Variants in FAM186A observed in about 807,000 individuals in gnomAD.
FAM186A encodes protein FAM186A.
Under a neutral mutation model 216.8 loss-of-function variants are expected in FAM186A, and 163 were observed. The observed-to-expected ratio is 0.75, with a 90% CI of 0.66 to 0.86. FAM186A has a LOEUF of 0.86. FAM186A is among the 40% of genes least tolerant of loss of function. The pLI, the probability that FAM186A is intolerant of heterozygous loss-of-function variation, is 0.00. For synonymous variants in FAM186A, 805 were observed against 1,025.3 expected, an observed-to-expected ratio of 0.79 and a Z score of 4.10; for missense variants, 2,184 against 2,746.2, an observed-to-expected ratio of 0.80 and a Z score of 4.58.
intron 1 of FAM186A, chr12:50,366,140 A>T (rs4768854): frequency 1.8e-6 from 1 of 569,386 alleles, no homozygotes; most frequent in Non-Finnish European, 3.1e-6. Context: ...AAAAAAAAGA[A>T]TAAGATTTGG....
intron 1 of FAM186A, among the ~76,000 whole-genome samples, chr12:50,395,091 T>TTTTG (rs556607099): frequency 9.2e-5 from 14 of 151,778 alleles, no homozygotes; most frequent in African/African-American, 3.1e-4. Flanking sequence ...CATGACTGAT[T>TTTTG]TTTGTTTGTT....
In FAM186A at chr12:50,350,454, A is replaced by G; in HGVS notation, c.6378T>C (p.Cys2126=). Residue 2126 remains cysteine, a synonymous_variant, in exon 4 of 8, where the codon TGT becomes TGC. Coordinates refer to ENST00000327337, the MANE Select transcript of FAM186A (RefSeq NM_001145475.3). Reference sequence around the variant, plus strand: ...TTGTGTGTAGCTGTGAAGGGAGTCCACAAGTTTTTATAGCCTGATTTAATA... The same window carrying G: ...TTGTGTGTAGCTGTGAAGGGAGTCCGCAAGTTTTTATAGCCTGATTTAATA... The part of the protein sequence containing the change: ...LILLNQAIKT[C]GLPSQLHTMA... The G allele has an allele frequency of 6.4e-7, 1 of 1,551,630 alleles. No individual in the cohort carries two copies. The highest frequency in any genetic ancestry group is 8.7e-7 in the Non-Finnish European group (1 of 1,146,990).
At chr12:50,366,079 T>C (rs965142954) in intron 1 of FAM186A, 1 of 719,868 alleles carries the variant, frequency 1.4e-6, no homozygotes, top group African/African-American at 1.7e-5. Context: ...ATTGAGAAGA[T>C]GTAGGAATAA....
At chr12:50,386,818 A>G (rs1421792524) in intron 1 of FAM186A, among the ~76,000 whole-genome samples, 1 of 151,350 alleles carries the variant, frequency 6.6e-6, no homozygotes, top group Admixed American at 6.6e-5. Context: ...GAGAGGTTGC[A>G]GTGAGCCGAG....
rs1943354761 is a variant in FAM186A, at chr12:50,391,309, A to T, written c.192+4984T>A. Among the ~76,000 whole-genome samples, 4 of 148,494 alleles carry T rather than the reference A, an allele frequency of 2.7e-5. No homozygotes were observed. In the South Asian group the frequency reaches 8.6e-4, roughly 32 times the overall value. On this transcript the variant is annotated intron_variant, in intron 1 of 7. Coordinates refer to ENST00000327337, the MANE Select transcript of FAM186A (RefSeq NM_001145475.3). ...ATGCCAGGCCTTATTTTATTTTTTT[A>T]TTTTTTATTTTTTATATATATTTTT...
intron 4 of FAM186A, among the ~76,000 whole-genome samples, chr12:50,337,870 T>A (rs943397485): frequency 1.3e-5 from 2 of 151,692 alleles, no homozygotes; most frequent in African/African-American, 4.8e-5. Context: ...CATTCCAGCC[T>A]GGCGACAGAG....
intron 4 of FAM186A, among the ~76,000 whole-genome samples, chr12:50,338,292 C>T (rs1284685271): frequency 6.6e-6 from 1 of 152,136 alleles, no homozygotes; most frequent in East Asian, 1.9e-4. Context: ...ACCTCCGCCT[C>T]CAGGGTTCAA....
chr12:50,387,613 G>C (rs1367941702), intron 1 of FAM186A, among the ~76,000 whole-genome samples: 1 of 152,212 alleles, frequency 6.6e-6, no homozygotes, highest in African/African-American at 2.4e-5. Context: ...GGTTCAATCA[G>C]ATATGATGTT....
chr12:50,378,882 A>G (rs1303474894), intron 1 of FAM186A, among the ~76,000 whole-genome samples: 2 of 152,130 alleles, frequency 1.3e-5, no homozygotes, highest in Non-Finnish European at 2.9e-5. Flanking sequence ...ACCATATGAA[A>G]ATGTCTATGT....
At chr12:50,396,212 C>G in intron 1 of FAM186A, 81 bp downstream of exon 1, 1 of 1,331,716 alleles carries the variant, frequency 7.5e-7, no homozygotes, top group Non-Finnish European at 1.0e-6. Flanking sequence ...AAAGTGATTT[C>G]TAAAATAAAC....
Position 50,354,154 on chromosome 12 carries a change from T to C in FAM186A, c.2678A>G (p.Gln893Arg). ...AGCCTGCTTTGGAGTTGCCTGTTTT[T>C]GCTCTTCCTTCCACATCTCTTCTTC... ...WQEEEMWKEE[Q>R]KQATPKQAEQ... Residue 893 changes from glutamine (Q) to arginine (R), a missense_variant, in exon 4 of 8, where the codon CAA becomes CGA. Around this residue, in one of 7 missense-constraint regions of FAM186A, gnomAD observed 1,132 missense variants for 1,263.4 expected, o/e 0.90. Transcript: ENST00000327337. 1 of 1,551,772 alleles carries C rather than the reference T, an allele frequency of 6.4e-7. No homozygotes were observed. The highest frequency in any genetic ancestry group is 1.2e-5 in the South Asian group (1 of 84,068).
chr12:50,360,812 A>C lies in FAM186A; in HGVS notation c.527T>G (p.Leu176Arg). The change falls in exon 3 of 8, where the codon CTA (leucine) becomes CGA (arginine). Residue 176 changes from leucine to arginine, a missense_variant. Around this residue, in one of 7 missense-constraint regions of FAM186A, gnomAD observed 1,132 missense variants for 1,263.4 expected, o/e 0.90. Transcript: ENST00000327337. Reference sequence around the variant, plus strand: ...GAGGAAAGATGTACTAAATCTGCTTAGTATCTTGACATTGTTCTCAATAGC... The same window carrying C: ...GAGGAAAGATGTACTAAATCTGCTTCGTATCTTGACATTGTTCTCAATAGC... ...LKAIENNVKI[L>R]SRFSTSFLDE... 6.5e-7 allele frequency: 1 copy of C among 1,549,928 alleles called. No individual in the cohort carries two copies.
intron 3 of FAM186A, among the ~76,000 whole-genome samples, chr12:50,360,323 C>G (rs1481022191): frequency 1.3e-5 from 2 of 150,550 alleles, no homozygotes; most frequent in Non-Finnish European, 3.0e-5. Flanking sequence ...ATGCACAACT[C>G]TGTAAATACA....
Position 50,353,754 on chromosome 12 carries a change from T to C in FAM186A, c.3078A>G (p.Gly1026=). 6.4e-7 allele frequency: 1 copy of C among 1,550,714 alleles called. No homozygotes were observed. The highest frequency in any genetic ancestry group is 8.7e-7 in the Non-Finnish European group (1 of 1,146,716). ...TCTTCAGATTCCTCTGAAACTCTTT[T>C]CCTTCATATGACCGCTGTACATCTT... The part of the protein sequence containing the change: ...VLKDVQRSYE[G]KEFQRNLKTL... Residue 1026 remains glycine (G), a synonymous_variant, in exon 4 of 8, where the codon GGA becomes GGG. Coordinates refer to ENST00000327337, the MANE Select transcript of FAM186A (RefSeq NM_001145475.3).
chr12:50,357,681 G>A (rs1045335117), intron 3 of FAM186A, among the ~76,000 whole-genome samples: 3 of 152,064 alleles, frequency 2.0e-5, no homozygotes, highest in South Asian at 2.1e-4. Flanking sequence ...ATTTATTCAC[G>A]AAAAACTACC....
chr12:50,377,122 C>T (rs1943205444), intron 1 of FAM186A, among the ~76,000 whole-genome samples: 1 of 152,004 alleles, frequency 6.6e-6, no homozygotes, highest in African/African-American at 2.4e-5. Flanking sequence ...TTGGAAGAAA[C>T]ACCATTTGGC....
chr12:50,392,009 T>A (rs896898637), intron 1 of FAM186A, among the ~76,000 whole-genome samples: 1 of 152,088 alleles, frequency 6.6e-6, no homozygotes, highest in African/African-American at 2.4e-5. Context: ...TGTGGATGAA[T>A]CTCAAAATAA....
At chr12:50,370,303 C>A (rs558018372) in intron 1 of FAM186A, among the ~76,000 whole-genome samples, 1 of 151,372 alleles carries the variant, frequency 6.6e-6, no homozygotes, top group East Asian at 1.9e-4. Context: ...CACTCCATAC[C>A]CCCCAAAAAA....
In FAM186A at chr12:50,331,739, A is replaced by G. The variant is rs369232659; in HGVS notation, c.6779T>C (p.Phe2260Ser). 19 of 1,549,864 alleles carry G rather than the reference A, an allele frequency of 1.2e-5. No homozygotes were observed. The African/African-American group carries it at 2.3e-4, about 19-fold the overall frequency. ...TAATTTTAAGAATGGCTTTTGAACA[A>G]ATGTGGTAGAGGCAGGTATCTGCTT... Reference protein sequence around the residue: ...EEKQIPASTTFVQKPFLKLLM... With the variant: ...EEKQIPASTTSVQKPFLKLLM... The change falls in exon 6 of 8, where the codon TTT (phenylalanine) becomes TCT (serine). Residue 2260 changes from phenylalanine (F) to serine (S), a missense_variant. Phe to Ser is a radical substitution (Grantham distance 155, BLOSUM62 -2). Coordinates refer to ENST00000327337, the MANE Select transcript of FAM186A (RefSeq NM_001145475.3).
Sources: gnomAD v4.1 joint callset for allele counts (sites outside exome capture counted in the v4.1 genomes callset) on GRCh38, gnomAD v4.1.1 for gene constraint, gnomAD v4.1.1 regional missense constraint, MANE v1.5 for transcripts, NCBI Gene and HGNC (gene_info 2026-07-23, HGNC 2026-07-21) for gene names.